The following PRKCA variants were observed in gnomAD, a reference collection of about 807,000 sequenced individuals.
PRKCA encodes protein kinase C alpha, also known as protein kinase C alpha type.
In PRKCA, 27 loss-of-function variants were observed where a neutral mutation model predicts 87.0. That is an observed-to-expected ratio of 0.31 (90% CI 0.23 to 0.43). The LOEUF (loss-of-function observed/expected upper bound fraction) is 0.43, where lower values mean the gene tolerates loss of function less well. PRKCA is among the 20% of genes least tolerant of loss of function. The pLI, the probability that PRKCA is intolerant of heterozygous loss-of-function variation, is 1.00. For missense variants in PRKCA, 518 were observed against 852.3 expected, an observed-to-expected ratio of 0.61 and a Z score of 4.88; for synonymous variants, 329 against 311.1, an observed-to-expected ratio of 1.06 and a Z score of -0.61.
intron 12 of PRKCA, among the ~76,000 whole-genome samples, chr17:66,741,931 T>C (rs1318299999): frequency 6.6e-6 from 1 of 152,186 alleles, no homozygotes; most frequent in Non-Finnish European, 1.5e-5. Flanking sequence ...ATATCTTGTT[T>C]CTACTTTTTC....
chr17:66,613,182 C>T (rs1458965399), intron 3 of PRKCA, among the ~76,000 whole-genome samples: 3 of 152,136 alleles, frequency 2.0e-5, no homozygotes, highest in African/African-American at 4.8e-5. Context: ...ACAGATGCAG[C>T]GGAGCCTTGA....
chr17:66,306,359 A>G (rs1466001772), intron 2 of PRKCA: 4 of 381,984 alleles, frequency 1.0e-5, no homozygotes, highest in Non-Finnish European at 1.8e-5. Flanking sequence ...CTGTAATTTT[A>G]TTTTTTGCCG....
At position 66,805,746 on chromosome 17, in the gene PRKCA, G is replaced by A. The variant is rs773762076; in HGVS notation, c.*1709G>A. 9.2e-5 allele frequency: 14 copies of A among 151,830 alleles called. No homozygotes were observed. The highest frequency in any genetic ancestry group is 1.9e-4 in the East Asian group (1 of 5,154). The allele number at this position is 151,830 out of a possible 1,614,324, so 9.4% of individuals were successfully genotyped here. ...TGTCTGATTCCAGTCTGCCTAGTAC[G>A]TTGGTACACACGTGGCATTGCCGCA... On this transcript the variant is annotated 3_prime_UTR_variant, in exon 17 of 17. Coordinates refer to ENST00000413366, the MANE Select transcript of PRKCA (RefSeq NM_002737.3).
At chr17:66,759,832 G>A (rs569990746) in intron 13 of PRKCA, among the ~76,000 whole-genome samples, 26 of 152,320 alleles carry the variant, frequency 1.7e-4, no homozygotes, top group South Asian at 1.0e-3. Context: ...AGTTATCATG[G>A]AAGGGCATTA....
chr17:66,700,912 C>T (rs1489946061), intron 8 of PRKCA, among the ~76,000 whole-genome samples: 1 of 152,046 alleles, frequency 6.6e-6, no homozygotes. Context: ...ATCAAAATGC[C>T]AATTATTAGT....
At chr17:66,530,895 G>C (rs1481303300) in intron 3 of PRKCA, among the ~76,000 whole-genome samples, 1 of 152,082 alleles carries the variant, frequency 6.6e-6, no homozygotes, top group Non-Finnish European at 1.5e-5. Context: ...CCTTGCCCCT[G>C]GTATGGATTA....
intron 3 of PRKCA, among the ~76,000 whole-genome samples, chr17:66,616,243 T>A (rs1970514230): frequency 6.6e-6 from 1 of 152,198 alleles, no homozygotes; most frequent in African/African-American, 2.4e-5. Flanking sequence ...GGAATTAGCT[T>A]AGCACATTCC....
rs139323901 is a variant in PRKCA at position 66,680,223 on chromosome 17, A to G, written c.530-6888A>G. On this transcript the variant is annotated intron_variant, in intron 5 of 16. Transcript: ENST00000413366. ...CTGTGGGTAACTTCAAACAAAGAAG[A>G]GTTTGTTTGTTTGTTTTTTCTGCAG... Among the ~76,000 whole-genome samples the G allele has an allele frequency of 2.1e-3, 314 of 152,190 alleles. 2 individuals carry two copies. The Middle Eastern group carries it at 0.027, about 13-fold the overall frequency.
At chr17:66,508,761 T>G (rs1056926040) in intron 3 of PRKCA, among the ~76,000 whole-genome samples, 2 of 152,244 alleles carry the variant, frequency 1.3e-5, no homozygotes, top group African/African-American at 4.8e-5. Context: ...GGCCTTGTTG[T>G]GTGCTGTGAG....
At chr17:66,551,685 A>G (rs1220654684) in intron 3 of PRKCA, among the ~76,000 whole-genome samples, 1 of 151,974 alleles carries the variant, frequency 6.6e-6, no homozygotes, top group African/African-American at 2.4e-5. Context: ...GACAGGGGAC[A>G]GGGGCAAATT....
chr17:66,426,990 G>A lies in PRKCA; in HGVS notation c.206-69211G>A, dbSNP rs538226738. Among the ~76,000 whole-genome samples, 17 of 152,198 alleles carry A rather than the reference G, an allele frequency of 1.1e-4. No homozygotes were observed. In the South Asian group the frequency reaches 3.3e-3, roughly 30 times the overall value. ...TTAACCTTTATTGTTTAAGGCAGGG[G>A]TTGGCAAACTATGGTCCATGAGACA... On this transcript the variant is annotated intron_variant, in intron 2 of 16. Transcript: ENST00000413366.
rs78645226 is a variant in PRKCA, at chr17:66,428,125, G to T, written c.206-68076G>T. Reference sequence around the variant, plus strand: ...TGGTGCTTTTACACAGTAATTGCCCGACTCACGTGATTCACTTCGATTCCA... The same window carrying T: ...TGGTGCTTTTACACAGTAATTGCCCTACTCACGTGATTCACTTCGATTCCA... On this transcript the variant is annotated intron_variant, in intron 2 of 16. Transcript: ENST00000413366. Among the ~76,000 whole-genome samples the T allele has an allele frequency of 1.5e-3, 223 of 152,150 alleles. 2 individuals are homozygous for T. Among genetic ancestry groups the T allele is most frequent in the East Asian group, 7.7e-3 (40 of 5,176 alleles).
At chr17:66,745,162 T>C (rs1406224816) in intron 13 of PRKCA, among the ~76,000 whole-genome samples, 1 of 152,194 alleles carries the variant, frequency 6.6e-6, no homozygotes, top group Non-Finnish European at 1.5e-5. Context: ...TCTATCACAC[T>C]TGTTATATGT....
intron 2 of PRKCA, among the ~76,000 whole-genome samples, chr17:66,382,860 A>G (rs1323055534): frequency 1.3e-5 from 2 of 152,118 alleles, no homozygotes; most frequent in Non-Finnish European, 2.9e-5. Flanking sequence ...ACCACCAACA[A>G]GAAAGAGTGA....
intron 3 of PRKCA, among the ~76,000 whole-genome samples, chr17:66,562,107 TATATATATAATTAA>T (rs1483441218): frequency 2.9e-5 from 3 of 103,916 alleles, no homozygotes; most frequent in African/African-American, 4.1e-5. Context: ...ATAATTAAAT[TATATATATAATTAA>T]ATATATATAA....
chr17:66,579,877 A>C (rs1421157152), intron 3 of PRKCA, among the ~76,000 whole-genome samples: 1 of 152,134 alleles, frequency 6.6e-6, no homozygotes, highest in Non-Finnish European at 1.5e-5. Flanking sequence ...AAGGTTAAAA[A>C]AAAAATCGGG....
chr17:66,467,208 T>C (rs1460739425), intron 2 of PRKCA, among the ~76,000 whole-genome samples: 1 of 152,214 alleles, frequency 6.6e-6, no homozygotes, highest in African/African-American at 2.4e-5. Flanking sequence ...GGCTCTCATT[T>C]AGGCCATGGC....
chr17:66,423,965 AC>A (rs1912637462), intron 2 of PRKCA, among the ~76,000 whole-genome samples: 1 of 151,936 alleles, frequency 6.6e-6, no homozygotes, highest in Non-Finnish European at 1.5e-5. Context: ...GAGCATAAAA[AC>A]CCTGTTTATT....
At chr17:66,781,887 A>ATATATATAGTGT (rs767300220) in intron 14 of PRKCA, among the ~76,000 whole-genome samples, 1,263 of 124,698 alleles carry the variant, frequency 0.01, 4 homozygotes, top group Non-Finnish European at 0.016. Context: ...ATATATATAT[A>ATATATATAGTGT]GTGTGTGTGT....
Sources: allele counts gnomAD v4.1 joint callset (sites outside exome capture counted in the v4.1 genomes callset), GRCh38; gene constraint gnomAD v4.1.1; transcripts MANE v1.5; gene names NCBI Gene and HGNC (gene_info 2026-07-23, HGNC 2026-07-21).